Variants in MARCHF11 observed in about 807,000 individuals in gnomAD.
MARCHF11 encodes membrane associated ring-CH-type finger 11.
In MARCHF11, 29 loss-of-function variants were observed where a neutral mutation model predicts 37.3. The observed-to-expected ratio is 0.78, with a 90% CI of 0.58 to 1.06. The LOEUF (loss-of-function observed/expected upper bound fraction) is 1.06, where lower values mean the gene tolerates loss of function less well. Among genes scored for constraint, MARCHF11 ranks in the 50% least tolerant of loss-of-function variants. MARCHF11 has a pLI of 0.00. For synonymous variants in MARCHF11, 233 were observed against 228.0 expected, an observed-to-expected ratio of 1.02 and a Z score of -0.20; for missense variants, 482 against 533.4, an observed-to-expected ratio of 0.90 and a Z score of 0.95.
intron 2 of MARCHF11, among the ~76,000 whole-genome samples, chr5:16,117,384 G>A (rs1737240629): frequency 6.6e-6 from 1 of 152,188 alleles, no homozygotes; most frequent in Non-Finnish European, 1.5e-5. Flanking sequence ...ATAAAATGGT[G>A]CAAACTTTTC....
intron 3 of MARCHF11, among the ~76,000 whole-genome samples, chr5:16,085,869 G>A (rs1736688651): frequency 7.0e-6 from 1 of 143,024 alleles, no homozygotes; most frequent in Non-Finnish European, 1.5e-5. Context: ...GAACCCGGGA[G>A]GTGGAGCTTG....
intron 2 of MARCHF11, among the ~76,000 whole-genome samples, chr5:16,092,315 A>T (rs1736802179): frequency 6.6e-6 from 1 of 152,232 alleles, no homozygotes. Flanking sequence ...TTTGTTAAAG[A>T]TTAAATACCA....
chr5:16,106,708 C>T (rs1308123061), intron 2 of MARCHF11, among the ~76,000 whole-genome samples: 1 of 152,168 alleles, frequency 6.6e-6, no homozygotes, highest in Non-Finnish European at 1.5e-5. Flanking sequence ...GTTGTCATTA[C>T]TGGAGAAGGT....
chr5:16,101,441 TTG>T (rs1736956316), intron 2 of MARCHF11, among the ~76,000 whole-genome samples: 1 of 152,232 alleles, frequency 6.6e-6, no homozygotes, highest in Admixed American at 6.5e-5. Context: ...TCAGTTTTAA[TTG>T]TGTCTCATAA....
intron 2 of MARCHF11, among the ~76,000 whole-genome samples, chr5:16,143,274 G>C (rs992564613): frequency 6.6e-6 from 1 of 152,176 alleles, no homozygotes; most frequent in African/African-American, 2.4e-5. Context: ...TGGAGTCAGG[G>C]AGGCAGAGTC....
intron 2 of MARCHF11, among the ~76,000 whole-genome samples, chr5:16,133,115 G>A (rs1243297822): frequency 2.0e-5 from 3 of 151,850 alleles, no homozygotes; most frequent in Non-Finnish European, 4.4e-5. Flanking sequence ...TGAAAAAAAA[G>A]TGGCCCCAAT....
At chr5:16,094,532 T>C (rs113943531) in intron 2 of MARCHF11, among the ~76,000 whole-genome samples, 446 of 152,216 alleles carry the variant, frequency 2.9e-3, no homozygotes, top group African/African-American at 9.3e-3. Flanking sequence ...TGTGTGTGTG[T>C]GCGCATGTGT....
At chr5:16,135,179 TC>T (rs543937698) in intron 2 of MARCHF11, among the ~76,000 whole-genome samples, 161 of 152,282 alleles carry the variant, frequency 1.1e-3, no homozygotes, top group African/African-American at 3.6e-3. Flanking sequence ...CTGTATGAAT[TC>T]AGACTGGCAT....
chr5:16,083,112 C>G (rs1736640133), intron 3 of MARCHF11, among the ~76,000 whole-genome samples: 1 of 152,320 alleles, frequency 6.6e-6, no homozygotes, highest in Non-Finnish European at 1.5e-5. Flanking sequence ...ATTGATGACA[C>G]TTTTGAATGG....
intron 3 of MARCHF11, among the ~76,000 whole-genome samples, chr5:16,084,989 A>AGTGTGTGTGTGTGTGTGTGT (rs530675511): frequency 7.8e-6 from 1 of 128,670 alleles, no homozygotes; most frequent in African/African-American, 2.9e-5. Context: ...CAGGGATCAG[A>AGTGTGTGTGTGTGTGTGTGT]GTGAGTGTGT....
In MARCHF11 at chr5:16,067,511, T is replaced by C. The variant is rs1390715108; in HGVS notation, c.1169A>G (p.Asn390Ser). Residue 390 changes from asparagine to serine, a missense_variant, in exon 4 of 4, where the codon AAC becomes AGC. By Grantham distance (46) the Asn-to-Ser change is conservative. Transcript: ENST00000332432. Reference sequence around the variant, plus strand: ...TCTCATCACAACCTCCCCCGAGCTGTTATCTTCTGATAAGTCTTCATGGGG... The same window carrying C: ...TCTCATCACAACCTCCCCCGAGCTGCTATCTTCTGATAAGTCTTCATGGGG... ...MRPHEDLSED[N>S]SSGEVVMRVT... 8 of 1,613,832 alleles carry C rather than the reference T, an allele frequency of 5.0e-6. No individual in the cohort carries two copies. Among genetic ancestry groups the C allele is most frequent in the African/African-American group, 1.3e-5 (1 of 74,922 alleles).
chr5:16,120,943 G>T (rs1579393585), intron 2 of MARCHF11, among the ~76,000 whole-genome samples: 1 of 152,200 alleles, frequency 6.6e-6, no homozygotes, highest in Non-Finnish European at 1.5e-5. Context: ...CTTGCTAACA[G>T]GTTAGTGAGC....
intron 2 of MARCHF11, among the ~76,000 whole-genome samples, chr5:16,133,767 A>G (rs1323286721): frequency 2.6e-5 from 4 of 152,114 alleles, no homozygotes; most frequent in African/African-American, 7.2e-5. Flanking sequence ...TGGACCACAC[A>G]TTAAATACAC....
At position 16,119,917 on chromosome 5, in the gene MARCHF11, C is replaced by T. The variant is rs576208233; in HGVS notation, c.694-28836G>A. On this transcript the variant is annotated intron_variant, in intron 2 of 3. Coordinates refer to ENST00000332432, the MANE Select transcript of MARCHF11 (RefSeq NM_001102562.3). The stretch of plus-strand genomic sequence containing the variant: ...CGCTTAAAATGCATTACTAAATAAC[C>T]CTTCACAAACGAATTCCCATAGGCT... Among the ~76,000 whole-genome samples, 3 of 152,152 alleles carry T rather than the reference C, an allele frequency of 2.0e-5. No homozygotes were observed. The East Asian group carries it at 5.8e-4, about 29-fold the overall frequency.
intron 3 of MARCHF11, among the ~76,000 whole-genome samples, chr5:16,089,477 A>T (rs1159658746): frequency 1.3e-5 from 2 of 152,146 alleles, no homozygotes; most frequent in Non-Finnish European, 2.9e-5. Context: ...TATTCCGGCA[A>T]CATCTCTTCA....
chr5:16,072,046 G>A (rs1303455553), intron 3 of MARCHF11, among the ~76,000 whole-genome samples: 2 of 152,030 alleles, frequency 1.3e-5, no homozygotes, highest in East Asian at 1.9e-4. Flanking sequence ...TGCAAGCTCC[G>A]CCTCCCAGGT....
chr5:16,121,404 AAC>A (rs1433944080), intron 2 of MARCHF11, among the ~76,000 whole-genome samples: 2 of 152,242 alleles, frequency 1.3e-5, no homozygotes, highest in African/African-American at 4.8e-5. Context: ...TCCAGTAACT[AAC>A]ACAGTGGTTG....
chr5:16,116,529 T>A (rs550860235), intron 2 of MARCHF11, among the ~76,000 whole-genome samples: 1 of 152,272 alleles, frequency 6.6e-6, no homozygotes, highest in South Asian at 2.1e-4. Context: ...TGCTACTATA[T>A]GAACTTCTAA....
intron 2 of MARCHF11, among the ~76,000 whole-genome samples, chr5:16,132,836 C>T (rs1737539497): frequency 6.6e-6 from 1 of 151,966 alleles, no homozygotes; most frequent in Admixed American, 6.6e-5. Flanking sequence ...ACACAATTGG[C>T]TGCAATAGAA....
Sources: allele counts gnomAD v4.1 joint callset (sites outside exome capture counted in the v4.1 genomes callset), GRCh38; gene constraint gnomAD v4.1.1; transcripts MANE v1.5; gene names NCBI Gene and HGNC (gene_info 2026-07-23, HGNC 2026-07-21).